POTEE: variants seen among roughly 807,000 people sequenced by gnomAD.
The protein encoded by POTEE is POTE ankyrin domain family member E.
Under a neutral mutation model 74.2 loss-of-function variants are expected in POTEE, and 21 were observed. The ratio of observed to expected loss-of-function variants is 0.28; its 90% CI spans 0.20 to 0.41. The LOEUF (loss-of-function observed/expected upper bound fraction) is 0.41. Among genes scored for constraint, POTEE ranks in the 10% least tolerant of loss-of-function variants. POTEE has a pLI of 1.00. For synonymous variants in POTEE, 211 were observed against 432.8 expected, an observed-to-expected ratio of 0.49 and a Z score of 6.36; for missense variants, 525 against 1,158.6, an observed-to-expected ratio of 0.45 and a Z score of 7.94.
At chr2:131,235,623 C>T (rs1483950875) in intron 9 of POTEE, among the ~76,000 whole-genome samples, 1 of 151,650 alleles carries the variant, frequency 6.6e-6, no homozygotes, top group Non-Finnish European at 1.5e-5. Context: ...GAAACCCCGT[C>T]TCTACTAAAA....
intron 2 of POTEE, among the ~76,000 whole-genome samples, chr2:131,215,219 G>A (rs1304688119): frequency 5.3e-5 from 8 of 152,132 alleles, no homozygotes; most frequent in Admixed American, 4.6e-4. Context: ...TCATTTAAAC[G>A]TTAGATAATA....
At chr2:131,215,480 T>TA (rs930537056) in intron 2 of POTEE, among the ~76,000 whole-genome samples, 8 of 151,976 alleles carry the variant, frequency 5.3e-5, no homozygotes, top group Middle Eastern at 6.8e-3. Flanking sequence ...TTTCAAGACT[T>TA]ACGCTAGAAC....
intron 2 of POTEE, among the ~76,000 whole-genome samples, chr2:131,216,425 A>G (rs1177823655): frequency 2.6e-5 from 4 of 152,206 alleles, no homozygotes; most frequent in Non-Finnish European, 5.9e-5. Context: ...CAGACTACCT[A>G]ATCTTTGACA....
chr2:131,217,667 C>G lies in POTEE; in HGVS notation c.-110C>G, dbSNP rs1327881939. Among the ~76,000 whole-genome samples, 3 of 148,852 alleles carry G rather than the reference C, an allele frequency of 2.0e-5. No individual in the cohort carries two copies. In the East Asian group the frequency reaches 6.1e-4, roughly 30 times the overall value. ...TCAAGGCTGTCAGTGACATTCGTGG[C>G]GCCAAGACTTAAGCAGGCGCGTTGC... On this transcript the variant is annotated 5_prime_UTR_variant, in exon 3 of 18. Transcript: ENST00000683005.
intron 7 of POTEE, among the ~76,000 whole-genome samples, 183 bp from the exon 8 acceptor site, chr2:131,228,061 T>G (rs1700835873): frequency 6.6e-6 from 1 of 151,250 alleles, no homozygotes; most frequent in South Asian, 2.1e-4. Context: ...TTTTTTTTGG[T>G]CCCTTCCTTT....
At chr2:131,227,120 CTTA>C (rs1448672335) in intron 7 of POTEE, among the ~76,000 whole-genome samples, 191 bp downstream of exon 7, 2 of 147,402 alleles carry the variant, frequency 1.4e-5, no homozygotes, top group South Asian at 2.1e-4. Context: ...TTCATCTTCT[CTTA>C]TTATATTGAC....
At chr2:131,212,625 G>C (rs1488197702) in intron 2 of POTEE, among the ~76,000 whole-genome samples, 1 of 135,256 alleles carries the variant, frequency 7.4e-6, no homozygotes. Context: ...AGTGCAATGG[G>C]GCGATCTCGG....
intron 2 of POTEE, among the ~76,000 whole-genome samples, chr2:131,211,552 T>TGTGTGTGTGTGC (rs1700359759): frequency 4.0e-5 from 1 of 25,054 alleles, no homozygotes; most frequent in Non-Finnish European, 1.1e-4. Flanking sequence ...CTTTTTTTTT[T>TGTGTGTGTGTGC]TTTTTTTTTT....
chr2:131,263,431 G>T lies in POTEE; in HGVS notation c.1976G>T (p.Arg659Ile), dbSNP rs1332378517. ...STLREEIAMLRLELDTMKHQS... is the reference protein window; with the variant it reads ...STLREEIAMLILELDTMKHQS... ...TTGCGGGAAGAAATTGCCATGCTAA[G>T]ACTGGAGCTAGACACAATGAAACAT... The change falls in exon 18 of 18, where the codon AGA (arginine) becomes ATA (isoleucine). Residue 659 changes from arginine (R) to isoleucine (I), a missense_variant. Coordinates refer to ENST00000683005, the MANE Select transcript of POTEE (RefSeq NM_001083538.3). 3.7e-6 allele frequency: 6 copies of T among 1,611,778 alleles called. No individual in the cohort carries two copies. The South Asian group carries it at 6.6e-5, about 18-fold the overall frequency.
At chr2:131,222,067 C>A (rs1700635257) in intron 4 of POTEE, among the ~76,000 whole-genome samples, 1 of 152,220 alleles carries the variant, frequency 6.6e-6, no homozygotes, top group Admixed American at 6.5e-5. Context: ...TGAAGCTTTT[C>A]CTCCCTCCTT....
chr2:131,217,036 T>C (rs1700457829), intron 2 of POTEE, among the ~76,000 whole-genome samples: 2 of 152,324 alleles, frequency 1.3e-5, no homozygotes, highest in African/African-American at 4.8e-5. Flanking sequence ...CTTAAAAAAC[T>C]GAATTTTATA....
At chr2:131,212,628 G>C (rs1340057919) in intron 2 of POTEE, among the ~76,000 whole-genome samples, 1 of 138,352 alleles carries the variant, frequency 7.2e-6, no homozygotes, top group Non-Finnish European at 1.5e-5. Context: ...GCAATGGGGC[G>C]ATCTCGGCTC....
chr2:131,221,394 G>A (rs916612656), intron 4 of POTEE, among the ~76,000 whole-genome samples: 29 of 152,178 alleles, frequency 1.9e-4, no homozygotes, highest in Admixed American at 4.6e-4. Context: ...GAATCTGCTC[G>A]TGTTAGCTGA....
Position 131,263,878 on chromosome 2 carries a change from C to G in POTEE, c.2423C>G (p.Ala808Gly). The stretch of plus-strand genomic sequence containing the variant: ...GAGCACCCCATCCTGCTGACCGAGG[C>G]CCCCCTGAACCCCAAGGCCAACCGC... ...PEEHPILLTE[A>G]PLNPKANREK... Residue 808 changes from alanine (A) to glycine (G), a missense_variant, in exon 18 of 18, where the codon GCC becomes GGC. Transcript: ENST00000683005. 5 of 1,614,124 alleles carry G rather than the reference C, an allele frequency of 3.1e-6. No individual in the cohort carries two copies. Among genetic ancestry groups the G allele is most frequent in the African/African-American group, 1.3e-5 (1 of 75,066 alleles).
chr2:131,225,199 G>T (rs1194598188), intron 6 of POTEE, among the ~76,000 whole-genome samples: 2 of 152,000 alleles, frequency 1.3e-5, no homozygotes, highest in Admixed American at 6.6e-5. Context: ...GGCTTTTTCT[G>T]AATATTTTGA....
At chr2:131,232,807 G>T (rs1311883570) in intron 9 of POTEE, among the ~76,000 whole-genome samples, 1 of 151,744 alleles carries the variant, frequency 6.6e-6, no homozygotes, top group Non-Finnish European at 1.5e-5. Context: ...TGGCTAATCC[G>T]CAGCAGCTCC....
At chr2:131,237,802 A>G (rs1372050737) in intron 10 of POTEE, among the ~76,000 whole-genome samples, 1 of 152,296 alleles carries the variant, frequency 6.6e-6, no homozygotes, top group Non-Finnish European at 1.5e-5. Flanking sequence ...ACTCTTTTCA[A>G]GTGAGGAAGG....
chr2:131,227,416 A>G (rs1700816362), intron 7 of POTEE, among the ~76,000 whole-genome samples: 1 of 145,962 alleles, frequency 6.9e-6, no homozygotes, highest in African/African-American at 2.7e-5. Flanking sequence ...TTATCCCTAC[A>G]TGACAATTAA....
At chr2:131,235,604 G>T (rs1701103939) in intron 9 of POTEE, among the ~76,000 whole-genome samples, 1 of 151,806 alleles carries the variant, frequency 6.6e-6, no homozygotes, top group Admixed American at 6.6e-5. Context: ...GACCATCATG[G>T]CCAATGGTGA....
Sources: allele counts gnomAD v4.1 joint callset (sites outside exome capture counted in the v4.1 genomes callset), GRCh38; gene constraint gnomAD v4.1.1; transcripts MANE v1.5; gene names NCBI Gene and HGNC (gene_info 2026-07-23, HGNC 2026-07-21).